ANKS1B: variants seen among roughly 807,000 people sequenced by gnomAD.
ANKS1B encodes the protein ankyrin repeat and sterile alpha motif domain containing 1B.
ANKS1B carries 36 observed loss-of-function variants against 148.3 expected under a neutral mutation model. The ratio of observed to expected loss-of-function variants is 0.24; its 90% CI spans 0.19 to 0.32. ANKS1B has a LOEUF of 0.32. Among genes scored for constraint, ANKS1B ranks in the 10% least tolerant of loss-of-function variants. ANKS1B has a pLI of 1.00. For missense variants in ANKS1B, 1,157 were observed against 1,542.6 expected (o/e 0.75, Z 4.19); for synonymous variants, 542 against 560.8 (o/e 0.97, Z 0.47).
intron 17 of ANKS1B, 54 bp from the exon 18 acceptor site, chr12:98,832,190 A>G: frequency 7.3e-7 from 1 of 1,364,886 alleles, no homozygotes; most frequent in Non-Finnish European, 1.0e-6. Context: ...AATAATTTTT[A>G]TATGTCCTAA....
At chr12:99,827,066 C>G (rs936783370) in intron 1 of ANKS1B, among the ~76,000 whole-genome samples, 19 of 152,052 alleles carry the variant, frequency 1.2e-4, no homozygotes, top group African/African-American at 4.6e-4. Context: ...CTGCAGTGAA[C>G]CATAATCATG....
chr12:98,779,075 A>G (rs2098709147), intron 24 of ANKS1B, among the ~76,000 whole-genome samples: 2 of 152,232 alleles, frequency 1.3e-5, no homozygotes, highest in African/African-American at 4.8e-5. Flanking sequence ...TTCTGAAAAT[A>G]TGTTGAGGAC....
intron 9 of ANKS1B, among the ~76,000 whole-genome samples, chr12:99,562,383 A>T (rs866644503): frequency 6.0e-4 from 92 of 152,362 alleles, no homozygotes; most frequent in Middle Eastern, 6.8e-3. Flanking sequence ...ATTTGAAGCC[A>T]GGCATTAACT....
intron 12 of ANKS1B, among the ~76,000 whole-genome samples, chr12:99,349,496 T>C (rs1365207543): frequency 6.6e-6 from 1 of 151,840 alleles, no homozygotes; most frequent in Admixed American, 6.6e-5. Flanking sequence ...AGATATTTCA[T>C]GCAAAGAGTA....
At chr12:99,413,818 T>C (rs543322333) in intron 11 of ANKS1B, among the ~76,000 whole-genome samples, 1 of 152,274 alleles carries the variant, frequency 6.6e-6, no homozygotes, top group South Asian at 2.1e-4. Context: ...CAAGGTCAGA[T>C]TTACTGATAC....
intron 10 of ANKS1B, among the ~76,000 whole-genome samples, chr12:99,468,136 A>C (rs987419179): frequency 3.9e-5 from 6 of 152,256 alleles, no homozygotes; most frequent in African/African-American, 1.2e-4. Flanking sequence ...ATAATGCTGC[A>C]TATCTACAAC....
At chr12:99,638,043 T>C (rs1386807932) in intron 9 of ANKS1B, among the ~76,000 whole-genome samples, 1 of 151,926 alleles carries the variant, frequency 6.6e-6, no homozygotes, top group African/African-American at 2.4e-5. Context: ...TTTATAAGGG[T>C]ATTTTTCCCC....
intron 1 of ANKS1B, among the ~76,000 whole-genome samples, chr12:99,978,822 T>C (rs886624436): frequency 1.1e-4 from 16 of 152,180 alleles, no homozygotes; most frequent in Non-Finnish European, 2.2e-4. Flanking sequence ...TTGATCTACT[T>C]TTTCACATGG....
At chr12:98,988,089 A>G (rs530606255) in intron 17 of ANKS1B, among the ~76,000 whole-genome samples, 2 of 152,330 alleles carry the variant, frequency 1.3e-5, no homozygotes, top group Non-Finnish European at 2.9e-5. Context: ...TAACATGTGC[A>G]TTATCTCACA....
intron 12 of ANKS1B, among the ~76,000 whole-genome samples, chr12:99,398,679 C>G (rs915600674): frequency 6.6e-6 from 1 of 152,070 alleles, no homozygotes; most frequent in African/African-American, 2.4e-5. Context: ...TAACCTGAAA[C>G]CAGTTTTATC....
intron 8 of ANKS1B, among the ~76,000 whole-genome samples, chr12:99,683,777 A>G (rs998329466): frequency 6.6e-6 from 1 of 152,180 alleles, no homozygotes; most frequent in African/African-American, 2.4e-5. Flanking sequence ...GTAATCCACC[A>G]TGATCAAGTG....
At chr12:99,528,264 A>G (rs1167522336) in intron 9 of ANKS1B, among the ~76,000 whole-genome samples, 1 of 152,110 alleles carries the variant, frequency 6.6e-6, no homozygotes, top group African/African-American at 2.4e-5. Context: ...CTAAATCCAT[A>G]AAAACCCTGG....
intron 1 of ANKS1B, among the ~76,000 whole-genome samples, chr12:99,918,166 C>T (rs186441428): frequency 1.3e-5 from 2 of 152,204 alleles, no homozygotes; most frequent in Admixed American, 6.5e-5. Flanking sequence ...TGCTCTACAG[C>T]GCAGTAGATG....
chr12:99,683,200 GAGAT>G (rs1417562103), intron 8 of ANKS1B, among the ~76,000 whole-genome samples: 4 of 152,086 alleles, frequency 2.6e-5, no homozygotes, highest in African/African-American at 9.7e-5. Flanking sequence ...AATTCAAGAT[GAGAT>G]TTGGGTGGGG....
At chr12:99,338,515 A>G (rs980964119) in intron 12 of ANKS1B, among the ~76,000 whole-genome samples, 14 of 151,982 alleles carry the variant, frequency 9.2e-5, no homozygotes, top group African/African-American at 3.1e-4. Flanking sequence ...TTTGTGCTCT[A>G]CTCCACTGTG....
chr12:99,003,559 TA>T (rs1483409362), intron 17 of ANKS1B, among the ~76,000 whole-genome samples: 4 of 152,248 alleles, frequency 2.6e-5, no homozygotes, highest in Non-Finnish European at 5.9e-5. Flanking sequence ...CACTGTTAGT[TA>T]ATTTTAATAT....
intron 1 of ANKS1B, among the ~76,000 whole-genome samples, chr12:99,851,439 G>A (rs376006752): frequency 7.2e-5 from 11 of 152,126 alleles, no homozygotes; most frequent in African/African-American, 2.2e-4. Flanking sequence ...AGCATTACAA[G>A]TATTAATATG....
chr12:99,130,029 A>G (rs1021373216), intron 15 of ANKS1B, among the ~76,000 whole-genome samples: 7 of 152,210 alleles, frequency 4.6e-5, no homozygotes, highest in African/African-American at 1.7e-4. Flanking sequence ...TAAGAGGAAC[A>G]CAATAATCTT....
At chr12:98,992,714 T>C (rs969487365) in intron 17 of ANKS1B, among the ~76,000 whole-genome samples, 2 of 152,220 alleles carry the variant, frequency 1.3e-5, no homozygotes, top group East Asian at 1.9e-4. Context: ...TAATGAGAAC[T>C]TCCTTGGTGA....
Sources: allele counts gnomAD v4.1 joint callset (sites outside exome capture counted in the v4.1 genomes callset), GRCh38; gene constraint gnomAD v4.1.1; transcripts MANE v1.5; gene names NCBI Gene and HGNC (gene_info 2026-07-23, HGNC 2026-07-21).